DPH6: variants seen among roughly 807,000 people sequenced by gnomAD.
The protein encoded by DPH6 is diphthine--ammonia ligase.
DPH6 carries 33 observed loss-of-function variants against 38.2 expected under a neutral mutation model. The ratio of observed to expected loss-of-function variants is 0.86; its 90% CI spans 0.65 to 1.15. DPH6 has a LOEUF of 1.15. Among genes scored for constraint, DPH6 ranks in the 50% most tolerant of loss-of-function variants. The pLI is 0.00. For synonymous variants in DPH6, 108 were observed against 103.0 expected (o/e 1.05, Z -0.30); for missense variants, 325 against 320.0 (o/e 1.02, Z -0.12).
intron 3 of DPH6, among the ~76,000 whole-genome samples, chr15:35,322,480 T>C (rs971555617): frequency 5.3e-5 from 8 of 152,222 alleles, no homozygotes; most frequent in Non-Finnish European, 8.8e-5. Context: ...TCTTTTACTA[T>C]CATAATTTTG....
At chr15:35,405,701 T>A (rs1161780075) in intron 6 of DPH6, among the ~76,000 whole-genome samples, 1 of 152,096 alleles carries the variant, frequency 6.6e-6, no homozygotes, top group Non-Finnish European at 1.5e-5. Flanking sequence ...CTTTCTCTTG[T>A]CTGATTGCTC....
intron 6 of DPH6, among the ~76,000 whole-genome samples, chr15:35,386,373 T>C (rs560042950): frequency 1.2e-4 from 19 of 152,374 alleles, no homozygotes; most frequent in Non-Finnish European, 2.4e-4. Flanking sequence ...AGTAATGGGA[T>C]GGCTGGGTCA....
At chr15:35,352,037 A>G (rs548334059) in intron 3 of DPH6, among the ~76,000 whole-genome samples, 1 of 152,174 alleles carries the variant, frequency 6.6e-6, no homozygotes, top group South Asian at 2.1e-4. Context: ...GCTTCTTTCT[A>G]TATTATGTTT....
In DPH6 at chr15:35,371,804, T is replaced by A; in HGVS notation, c.*346A>T. 2.0e-6 allele frequency: 2 copies of A among 1,013,362 alleles called. No homozygotes were observed. The highest frequency in any genetic ancestry group is 2.4e-6 in the Non-Finnish European group (2 of 849,576). The allele number at this position is 1,013,362 out of a possible 1,614,324, so 62.8% of individuals were successfully genotyped here. A position where few individuals can be genotyped will look rare whatever the true frequency, so the allele number is the denominator to read the frequency against. On this transcript the variant is annotated 3_prime_UTR_variant, in exon 9 of 9. Transcript: ENST00000256538. Reference sequence around the variant, plus strand: ...GCATCATGACATTATTGGTAGGGATTGGAGCAAGAAAGAGAGAAGGAGGAA... The same window carrying A: ...GCATCATGACATTATTGGTAGGGATAGGAGCAAGAAAGAGAGAAGGAGGAA...
At chr15:35,472,031 A>G (rs1160190572) in intron 3 of DPH6, among the ~76,000 whole-genome samples, 1 of 152,184 alleles carries the variant, frequency 6.6e-6, no homozygotes, top group African/African-American at 2.4e-5. Flanking sequence ...TTGTGCTACA[A>G]TCGTGCCCGT....
At chr15:35,492,691 A>G (rs1225680635) in intron 3 of DPH6, among the ~76,000 whole-genome samples, 1 of 152,158 alleles carries the variant, frequency 6.6e-6, no homozygotes, top group African/African-American at 2.4e-5. Flanking sequence ...CTTCACTTTA[A>G]CTTCATAAGG....
At chr15:35,304,627 T>G (rs563609332) in intron 3 of DPH6, among the ~76,000 whole-genome samples, 4 of 152,088 alleles carry the variant, frequency 2.6e-5, no homozygotes, top group Non-Finnish European at 5.9e-5. Flanking sequence ...ATTACCACAG[T>G]TAAGTATATT....
chr15:35,376,699 C>T (rs2052785740), intron 7 of DPH6, among the ~76,000 whole-genome samples: 1 of 152,012 alleles, frequency 6.6e-6, no homozygotes, highest in Admixed American at 6.6e-5. Flanking sequence ...TTTTTTATAT[C>T]ATATTTTTAC....
At chr15:35,282,860 A>C (rs951700999) in intron 3 of DPH6, 4 of 341,282 alleles carry the variant, frequency 1.2e-5, no homozygotes, top group African/African-American at 8.6e-5. Flanking sequence ...GGCCAGCTTA[A>C]GGTGGATGAA....
intron 3 of DPH6, among the ~76,000 whole-genome samples, chr15:35,321,250 A>G (rs548848373): frequency 6.6e-6 from 1 of 152,386 alleles, no homozygotes; most frequent in South Asian, 2.1e-4. Flanking sequence ...TCCCATGGTT[A>G]GCTTGGCCTA....
intron 3 of DPH6, among the ~76,000 whole-genome samples, chr15:35,260,480 GTTAAA>G (rs1157966481): frequency 1.3e-5 from 2 of 150,502 alleles, no homozygotes; most frequent in African/African-American, 4.9e-5. Flanking sequence ...TTTAAATAAT[GTTAAA>G]TTAAATAATT....
chr15:35,521,040 G>T, intron 3 of DPH6: 1 of 985,148 alleles, frequency 1.0e-6, no homozygotes, highest in South Asian at 4.7e-5. Context: ...GCTTTAGATG[G>T]TATGTAGATT....
chr15:35,420,344 G>C (rs761736031), intron 5 of DPH6, among the ~76,000 whole-genome samples: 4 of 152,076 alleles, frequency 2.6e-5, no homozygotes, highest in Admixed American at 2.6e-4. Flanking sequence ...ACATCAAAAA[G>C]GAAGAAGGAT....
intron 3 of DPH6, among the ~76,000 whole-genome samples, chr15:35,286,097 G>A (rs929668624): frequency 6.6e-6 from 1 of 151,910 alleles, no homozygotes; most frequent in Non-Finnish European, 1.5e-5. Context: ...GAATTCACCT[G>A]TCCTGGGTAA....
At position 35,371,255 on chromosome 15, in the gene DPH6, C is replaced by G. The variant is rs2052710161; in HGVS notation, c.*895G>C. The G allele has an allele frequency of 2.0e-5, 3 of 151,702 alleles. No individual in the cohort carries two copies. Among genetic ancestry groups the G allele is most frequent in the Admixed American group, 1.3e-4 (2 of 15,196 alleles). 9.4% of individuals were successfully genotyped at this position (151,702 alleles called of 1,614,324 possible). ...GATTTTTTAAGGCAGTGAAATTATT[C>G]TGTATAATACTATAACGGTTGACAA... is the stretch of plus-strand genomic sequence containing the variant. On this transcript the variant is annotated 3_prime_UTR_variant, in exon 9 of 9. Coordinates refer to ENST00000256538, the MANE Select transcript of DPH6 (RefSeq NM_080650.4).
chr15:35,527,881 A>G (rs1317129452), intron 3 of DPH6, among the ~76,000 whole-genome samples: 2 of 152,200 alleles, frequency 1.3e-5, no homozygotes, highest in African/African-American at 4.8e-5. Context: ...GATTAAATCT[A>G]CACTTTAGAA....
At chr15:35,268,138 C>A (rs2140424293) in intron 3 of DPH6, among the ~76,000 whole-genome samples, 1 of 151,466 alleles carries the variant, frequency 6.6e-6, no homozygotes, top group Middle Eastern at 3.4e-3. Flanking sequence ...CCACTGCACT[C>A]CAGCCTGGGC....
chr15:35,485,544 T>C (rs906044567), intron 3 of DPH6, among the ~76,000 whole-genome samples: 4 of 152,190 alleles, frequency 2.6e-5, no homozygotes, highest in Non-Finnish European at 2.9e-5. Context: ...ATATATATCA[T>C]AAATGTAGCC....
the DPH6 span, among the ~76,000 whole-genome samples, chr15:35,147,361 T>G: frequency 6.6e-6 from 1 of 152,222 alleles, no homozygotes; most frequent in Non-Finnish European, 1.5e-5. Flanking sequence ...CATTTATTTT[T>G]TTAATATACA....
Sources: allele counts gnomAD v4.1 joint callset (sites outside exome capture counted in the v4.1 genomes callset), GRCh38; gene constraint gnomAD v4.1.1; transcripts MANE v1.5; gene names NCBI Gene and HGNC (gene_info 2026-07-23, HGNC 2026-07-21).